Variants in TRPC4 observed in about 807,000 individuals in gnomAD.
TRPC4 encodes transient receptor potential cation channel subfamily C member 4, also known as short transient receptor potential channel 4.
In TRPC4, 49 loss-of-function variants were observed where a neutral mutation model predicts 99.4. The observed-to-expected ratio is 0.49, with a 90% CI of 0.39 to 0.63. The LOEUF (loss-of-function observed/expected upper bound fraction) is 0.63. TRPC4 is among the 20% of genes least tolerant of loss of function. The probability of loss-of-function intolerance (pLI) is 0.00; values close to 1 mark genes in which losing one functional copy is unlikely to be tolerated. For missense variants in TRPC4, 898 were observed against 1,152.9 expected, an observed-to-expected ratio of 0.78 and a Z score of 3.20; for synonymous variants, 454 against 425.9, an observed-to-expected ratio of 1.07 and a Z score of -0.81.
intron 1 of TRPC4, among the ~76,000 whole-genome samples, chr13:37,787,440 C>G (rs570306749): frequency 1.3e-5 from 2 of 152,154 alleles, no homozygotes; most frequent in South Asian, 4.1e-4. Context: ...TATATTATCT[C>G]AATAATCTTT....
intron 1 of TRPC4, among the ~76,000 whole-genome samples, chr13:37,833,391 C>A (rs750098117): frequency 1.2e-4 from 19 of 152,136 alleles, no homozygotes; most frequent in Non-Finnish European, 2.6e-4. Context: ...TTGAAAAGTA[C>A]CACAACGACT....
intron 1 of TRPC4, among the ~76,000 whole-genome samples, chr13:37,831,068 T>C (rs1161234233): frequency 6.6e-6 from 1 of 151,870 alleles, no homozygotes; most frequent in Non-Finnish European, 1.5e-5. Flanking sequence ...CTTCGCTCTG[T>C]TAGTTGTTTC....
intron 1 of TRPC4, among the ~76,000 whole-genome samples, chr13:37,806,055 G>A (rs1957522783): frequency 6.6e-6 from 1 of 151,914 alleles, no homozygotes; most frequent in African/African-American, 2.4e-5. Context: ...ATAACATTGG[G>A]GAAAAGGAAT....
chr13:37,815,763 A>G (rs1292792579), intron 1 of TRPC4, among the ~76,000 whole-genome samples: 24 of 151,980 alleles, frequency 1.6e-4, no homozygotes, highest in Non-Finnish European at 4.4e-5. Context: ...TTGATCAAAC[A>G]GGCCTGACAA....
At chr13:37,715,942 G>A (rs557342070) in intron 3 of TRPC4, among the ~76,000 whole-genome samples, 122 of 152,288 alleles carry the variant, frequency 8.0e-4, no homozygotes, top group African/African-American at 2.7e-3. Flanking sequence ...CAGAGGAACC[G>A]TGGGAATGTG....
intron 3 of TRPC4, among the ~76,000 whole-genome samples, chr13:37,728,599 A>G (rs1254071008): frequency 6.6e-6 from 1 of 152,100 alleles, no homozygotes. Flanking sequence ...TTAAGAGGTC[A>G]ATACTACCCA....
At chr13:37,654,103 A>G (rs17200319) in intron 7 of TRPC4, among the ~76,000 whole-genome samples, 7,409 of 152,188 alleles carry the variant, frequency 0.049, 254 homozygotes, top group Middle Eastern at 0.11. Context: ...CTCATGTTCT[A>G]TGCAGTTTTT....
rs1469208082 is a variant in TRPC4 at position 37,817,236 on chromosome 13, G to A, written c.-27-33876C>T. 2.0e-5 allele frequency among the ~76,000 whole-genome samples: 3 copies of A among 151,922 alleles called. No individual in the cohort carries two copies. In the East Asian group the frequency reaches 5.8e-4, roughly 29 times the overall value. Reference sequence around the variant, plus strand: ...ATTCCCATAAACAAACAACAGTCAAGCTGAGAGCAAAATCAGGAATGTAAT... The same window carrying A: ...ATTCCCATAAACAAACAACAGTCAAACTGAGAGCAAAATCAGGAATGTAAT... On this transcript the variant is annotated intron_variant, in intron 1 of 10. Coordinates refer to ENST00000379705, the MANE Select transcript of TRPC4 (RefSeq NM_016179.4).
At chr13:37,808,298 T>C (rs1487891378) in intron 1 of TRPC4, among the ~76,000 whole-genome samples, 1 of 152,070 alleles carries the variant, frequency 6.6e-6, no homozygotes, top group African/African-American at 2.4e-5. Flanking sequence ...TTCAGAAAAG[T>C]ACATTAGTAT....
In TRPC4 at chr13:37,796,442, A is replaced by G. The variant is rs567784450; in HGVS notation, c.-27-13082T>C. 4.6e-5 allele frequency among the ~76,000 whole-genome samples: 7 copies of G among 152,230 alleles called. No homozygotes were observed. The South Asian group carries it at 6.2e-4, about 14-fold the overall frequency. On this transcript the variant is annotated intron_variant, in intron 1 of 10. Coordinates refer to ENST00000379705, the MANE Select transcript of TRPC4 (RefSeq NM_016179.4). ...TTTTCCTTATTACCCTGTATTACAC[A>G]TTTAGACTTTTATTCTGTTACTGAA...
chr13:37,819,038 T>C (rs1346654042), intron 1 of TRPC4, among the ~76,000 whole-genome samples: 1 of 151,898 alleles, frequency 6.6e-6, no homozygotes, highest in African/African-American at 2.4e-5. Context: ...CAGACACTTT[T>C]CAAAAAAGAC....
intron 3 of TRPC4, among the ~76,000 whole-genome samples, chr13:37,743,451 A>T (rs936735338): frequency 6.6e-6 from 1 of 152,132 alleles, no homozygotes; most frequent in Non-Finnish European, 1.5e-5. Flanking sequence ...TTTTATATTT[A>T]TAACATATAC....
intron 6 of TRPC4, among the ~76,000 whole-genome samples, 193 bp downstream of exon 6, chr13:37,663,220 AATG>A (rs1952512504): frequency 6.6e-6 from 1 of 152,224 alleles, no homozygotes; most frequent in South Asian, 2.1e-4. Flanking sequence ...ATTTAAAATA[AATG>A]TGTCAGGTAT....
At chr13:37,722,074 T>A (rs1186963000) in intron 3 of TRPC4, among the ~76,000 whole-genome samples, 1 of 152,206 alleles carries the variant, frequency 6.6e-6, no homozygotes, top group Non-Finnish European at 1.5e-5. Context: ...TATGGAGATA[T>A]GTAAAAGGTA....
Position 37,799,939 on chromosome 13 carries a change from C to T in TRPC4, c.-27-16579G>A, listed in dbSNP as rs662478. On this transcript the variant is annotated intron_variant, in intron 1 of 10. Coordinates refer to ENST00000379705, the MANE Select transcript of TRPC4 (RefSeq NM_016179.4). ...TAGGCTGGTCATTTCCTCTAAGTCT[C>T]TCTCTGTGTGTCAAAGTAGATAATT... is the stretch of plus-strand genomic sequence containing the variant. Among the ~76,000 whole-genome samples, 912 of 152,252 alleles carry T rather than the reference C, an allele frequency of 6.0e-3. 8 individuals are homozygous for T. Among genetic ancestry groups the T allele is most frequent in the African/African-American group, 0.021 (876 of 41,552 alleles).
At chr13:37,821,190 C>CACACA (rs1957996826) in intron 1 of TRPC4, among the ~76,000 whole-genome samples, 4 of 135,938 alleles carry the variant, frequency 2.9e-5, no homozygotes, top group Admixed American at 7.5e-5. Context: ...TTCACAATAG[C>CACACA]CACACACACA....
intron 1 of TRPC4, among the ~76,000 whole-genome samples, chr13:37,798,111 C>T (rs190972741): frequency 1.1e-4 from 17 of 152,250 alleles, no homozygotes; most frequent in Admixed American, 4.6e-4. Context: ...ACATAAATAG[C>T]ATAGTGTATT....
intron 1 of TRPC4, among the ~76,000 whole-genome samples, chr13:37,857,604 A>T (rs1659305990): frequency 6.6e-6 from 1 of 151,492 alleles, no homozygotes; most frequent in South Asian, 2.1e-4. Flanking sequence ...GATCACAGTA[A>T]CAAATCTACA....
intron 8 of TRPC4, among the ~76,000 whole-genome samples, chr13:37,641,242 G>C (rs1440239965): frequency 1.3e-5 from 2 of 151,982 alleles, no homozygotes; most frequent in East Asian, 1.9e-4. Context: ...TAATTTTCTT[G>C]GGAAAAAACT....
Sources: gnomAD v4.1 joint callset for allele counts (sites outside exome capture counted in the v4.1 genomes callset) on GRCh38, gnomAD v4.1.1 for gene constraint, MANE v1.5 for transcripts, NCBI Gene and HGNC (gene_info 2026-07-23, HGNC 2026-07-21) for gene names.